FHIT: variants seen among roughly 807,000 people sequenced by gnomAD.
FHIT encodes fragile histidine triad diadenosine triphosphatase.
Under a neutral mutation model 17.9 loss-of-function variants are expected in FHIT, and 19 were observed. The ratio of observed to expected loss-of-function variants is 1.06; its 90% CI spans 0.74 to 1.56. The LOEUF is 1.56. Among genes scored for constraint, FHIT ranks in the 40% most tolerant of loss-of-function variants. The pLI, the probability that FHIT is intolerant of heterozygous loss-of-function variation, is 0.00. For synonymous variants in FHIT, 81 were observed against 69.7 expected, an observed-to-expected ratio of 1.16 and a Z score of -0.81; for missense variants, 248 against 189.2, an observed-to-expected ratio of 1.31 and a Z score of -1.82.
intron 3 of FHIT, among the ~76,000 whole-genome samples, chr3:60,956,472 C>T (rs570992092): frequency 1.3e-5 from 2 of 152,280 alleles, no homozygotes; most frequent in South Asian, 4.1e-4. Flanking sequence ...CTACCTTTAG[C>T]TGTGCTTTTT....
chr3:60,768,235 T>G (rs1032831706), intron 4 of FHIT, among the ~76,000 whole-genome samples: 1 of 152,094 alleles, frequency 6.6e-6, no homozygotes, highest in East Asian at 1.9e-4. Flanking sequence ...TCCACGTTAA[T>G]TCATGGGCTC....
chr3:60,538,978 A>G (rs1576837987), intron 4 of FHIT, among the ~76,000 whole-genome samples: 3 of 152,258 alleles, frequency 2.0e-5, no homozygotes, highest in Admixed American at 2.0e-4. Flanking sequence ...GCACAGCAAA[A>G]GAATCTACCA....
chr3:59,936,785 A>G (rs1706263445), intron 7 of FHIT, among the ~76,000 whole-genome samples: 1 of 152,166 alleles, frequency 6.6e-6, no homozygotes, highest in Admixed American at 6.6e-5. Context: ...AATTATGGAG[A>G]CAGCACTTCC....
chr3:60,406,151 C>G (rs1701850034), intron 5 of FHIT, among the ~76,000 whole-genome samples: 1 of 152,154 alleles, frequency 6.6e-6, no homozygotes, highest in African/African-American at 2.4e-5. Context: ...CTCCACCACT[C>G]AAAACATGCT....
At chr3:60,155,106 G>T (rs1700623508) in intron 5 of FHIT, among the ~76,000 whole-genome samples, 1 of 150,964 alleles carries the variant, frequency 6.6e-6, no homozygotes. Context: ...AGGACCACCT[G>T]AGCCCAGGAG....
intron 5 of FHIT, among the ~76,000 whole-genome samples, chr3:60,143,170 T>A (rs1299145829): frequency 6.6e-6 from 1 of 152,106 alleles, no homozygotes; most frequent in Non-Finnish European, 1.5e-5. Flanking sequence ...ATGCAGCAAA[T>A]CTTCAGAGGG....
chr3:60,057,451 G>C (rs1015633758), intron 5 of FHIT, among the ~76,000 whole-genome samples: 7 of 152,040 alleles, frequency 4.6e-5, no homozygotes, highest in Admixed American at 2.6e-4. Flanking sequence ...CCATACAATG[G>C]AATATTACTC....
intron 2 of FHIT, among the ~76,000 whole-genome samples, chr3:61,106,692 C>T (rs962470195): frequency 2.0e-5 from 3 of 152,130 alleles, no homozygotes; most frequent in African/African-American, 7.2e-5. Context: ...GATGGAGTCT[C>T]GCTCTGTCGC....
intron 5 of FHIT, among the ~76,000 whole-genome samples, chr3:60,247,531 T>C (rs1705465173): frequency 6.6e-6 from 1 of 152,100 alleles, no homozygotes; most frequent in Non-Finnish European, 1.5e-5. Flanking sequence ...ATGTTTTGGG[T>C]TTACAAAATT....
At chr3:60,527,738 C>T (rs2035625907) in intron 5 of FHIT, among the ~76,000 whole-genome samples, 1 of 152,160 alleles carries the variant, frequency 6.6e-6, no homozygotes, top group Non-Finnish European at 1.5e-5. Flanking sequence ...GAAAATACAA[C>T]ACTAGAAAGT....
chr3:61,016,056 A>G (rs1410252440), intron 3 of FHIT, among the ~76,000 whole-genome samples: 1 of 152,198 alleles, frequency 6.6e-6, no homozygotes, highest in Non-Finnish European at 1.5e-5. Context: ...CATCTGTGCC[A>G]TGTGTACAGG....
intron 8 of FHIT, among the ~76,000 whole-genome samples, chr3:59,891,039 G>C (rs151286067): frequency 1.4e-4 from 22 of 152,324 alleles, no homozygotes; most frequent in African/African-American, 5.1e-4. Context: ...CAGCATTTAT[G>C]CAACGTAAGG....
At chr3:60,390,384 T>C (rs894018573) in intron 5 of FHIT, among the ~76,000 whole-genome samples, 1 of 127,654 alleles carries the variant, frequency 7.8e-6, no homozygotes. Context: ...TCCCTTAAGA[T>C]TGTAATGGAG....
intron 8 of FHIT, among the ~76,000 whole-genome samples, chr3:59,888,296 A>G (rs1703710667): frequency 6.6e-6 from 1 of 152,232 alleles, no homozygotes; most frequent in Admixed American, 6.5e-5. Context: ...CATAGCTTAT[A>G]TAGAGAACCA....
At chr3:60,521,873 A>G (rs1576805889) in intron 5 of FHIT, among the ~76,000 whole-genome samples, 1 of 152,158 alleles carries the variant, frequency 6.6e-6, no homozygotes. Flanking sequence ...TTCTTCTCCC[A>G]TGTACATTCA....
At chr3:60,179,962 G>A (rs764663284) in intron 5 of FHIT, among the ~76,000 whole-genome samples, 24 of 152,118 alleles carry the variant, frequency 1.6e-4, no homozygotes, top group Non-Finnish European at 2.4e-4. Context: ...ATTCTCTGAG[G>A]AATTAGAGCC....
At chr3:60,926,814 T>A (rs1553770075) in intron 3 of FHIT, among the ~76,000 whole-genome samples, 1 of 152,034 alleles carries the variant, frequency 6.6e-6, no homozygotes, top group African/African-American at 2.4e-5. Flanking sequence ...CTAGCAAGAC[T>A]AATAAAGAAG....
At chr3:60,616,608 T>G (rs562964215) in intron 4 of FHIT, among the ~76,000 whole-genome samples, 32 of 139,960 alleles carry the variant, frequency 2.3e-4, no homozygotes, top group Middle Eastern at 3.8e-3. Flanking sequence ...ATTTAAATAC[T>G]TAGGTATAAA....
At chr3:60,039,721 A>T (rs2106825887) in intron 5 of FHIT, among the ~76,000 whole-genome samples, 1 of 152,378 alleles carries the variant, frequency 6.6e-6, no homozygotes, top group Non-Finnish European at 1.5e-5. Context: ...ATACTTTCAC[A>T]CTGGGAAGAT....
Sources: allele counts gnomAD v4.1 joint callset (sites outside exome capture counted in the v4.1 genomes callset), GRCh38; gene constraint gnomAD v4.1.1; transcripts MANE v1.5; gene names NCBI Gene and HGNC (gene_info 2026-07-23, HGNC 2026-07-21).